The following ZMYND8 variants were observed in gnomAD, a reference collection of about 807,000 sequenced individuals.
ZMYND8 encodes MYND-type zinc finger-containing chromatin reader ZMYND8.
Under a neutral mutation model 140.8 loss-of-function variants are expected in ZMYND8, and 37 were observed. That is an observed-to-expected ratio of 0.26 (90% CI 0.20 to 0.35). The LOEUF is 0.35. ZMYND8 is among the 10% of genes least tolerant of loss of function. The pLI, the probability that ZMYND8 is intolerant of heterozygous loss-of-function variation, is 1.00. For missense variants in ZMYND8, 1,068 were observed against 1,570.0 expected, an observed-to-expected ratio of 0.68 and a Z score of 5.40; for synonymous variants, 592 against 597.1, an observed-to-expected ratio of 0.99 and a Z score of 0.12.
At chr20:47,215,050 G>A (rs1049338298) in intron 21 of ZMYND8, among the ~76,000 whole-genome samples, 4 of 152,140 alleles carry the variant, frequency 2.6e-5, no homozygotes, top group African/African-American at 7.2e-5. Flanking sequence ...GCAAGATCCT[G>A]TCTCTTAGGT....
intron 15 of ZMYND8, chr20:47,238,419 T>C (rs1442252025): frequency 5.1e-6 from 2 of 389,876 alleles, no homozygotes; most frequent in South Asian, 5.0e-5. Flanking sequence ...GAAAAGCTTT[T>C]ACAACGGTTG....
chr20:47,353,202 C>G (rs1390026501), intron 1 of ZMYND8: 2 of 152,158 alleles, frequency 1.3e-5, no homozygotes, highest in East Asian at 3.8e-4. Flanking sequence ...AAAGTGTCTC[C>G]CCCCTCATCC....
chr20:47,244,343 C>G (rs1037484130), intron 14 of ZMYND8, among the ~76,000 whole-genome samples: 4 of 152,240 alleles, frequency 2.6e-5, no homozygotes, highest in African/African-American at 7.2e-5. Context: ...GGCAATGTTT[C>G]TTCTGGGCCC....
At position 47,246,384 on chromosome 20, in the gene ZMYND8, G is replaced by A; in HGVS notation, c.1908C>T (p.Asp636=). ...DEQKSKNEPE[D]TEDKEGCQMD... is the part of the protein sequence containing the mutation. ...TCTGACAACCTTCTTTGTCCTCTGT[G>A]TCTTCTGGCTCGTTCTTAGACTTCT... Residue 636 remains aspartate (D), a synonymous_variant, in exon 14 of 23, where the codon GAC becomes GAT. Coordinates refer to ENST00000471951, the MANE Select transcript of ZMYND8 (RefSeq NM_001281775.3). 1 of 1,613,862 alleles carries A rather than the reference G, an allele frequency of 6.2e-7. No homozygotes were observed. Among genetic ancestry groups the A allele is most frequent in the Non-Finnish European group, 8.5e-7 (1 of 1,179,968 alleles).
At chr20:47,257,583 C>T (rs745695372) in intron 12 of ZMYND8, among the ~76,000 whole-genome samples, 3 of 151,700 alleles carry the variant, frequency 2.0e-5, no homozygotes, top group Non-Finnish European at 4.4e-5. Context: ...ATATACCATA[C>T]ACACATACAT....
chr20:47,282,288 G>A, intron 9 of ZMYND8, 71 bp from the exon 10 acceptor site: 2 of 1,370,544 alleles, frequency 1.5e-6, no homozygotes, highest in Non-Finnish European at 1.0e-6. Context: ...AGTTTGGTAT[G>A]TGAGGATGAA....
chr20:47,312,598 CA>C (rs1325976544), intron 2 of ZMYND8, among the ~76,000 whole-genome samples: 1 of 152,090 alleles, frequency 6.6e-6, no homozygotes. Flanking sequence ...TCAGCCTAGC[CA>C]ACATGGTGAA....
At chr20:47,328,525 A>G (rs936892907) in intron 2 of ZMYND8, among the ~76,000 whole-genome samples, 1 of 152,012 alleles carries the variant, frequency 6.6e-6, no homozygotes, top group South Asian at 2.1e-4. Context: ...GTGCAGTGGC[A>G]TGATCTCAGC....
intron 11 of ZMYND8, among the ~76,000 whole-genome samples, chr20:47,265,069 G>A (rs1025857553): frequency 3.9e-5 from 3 of 76,224 alleles, no homozygotes; most frequent in African/African-American, 1.3e-4. Context: ...TATATATATA[G>A]GCATTTTAAC....
intron 12 of ZMYND8, among the ~76,000 whole-genome samples, chr20:47,255,503 C>CCATATA (rs1035923853): frequency 1.3e-5 from 2 of 148,368 alleles, no homozygotes; most frequent in African/African-American, 5.0e-5. Flanking sequence ...TATATATCCA[C>CCATATA]CATATACATA....
intron 17 of ZMYND8, 86 bp downstream of exon 17, chr20:47,229,640 T>C: frequency 7.5e-7 from 1 of 1,325,812 alleles, no homozygotes. Context: ...CAGAGGGGTT[T>C]CCAGAGAAGC....
Position 47,238,951 on chromosome 20 carries a change from C to G in ZMYND8, c.2472G>C (p.Pro824=). Residue 824 remains proline, a synonymous_variant, in exon 15 of 23, where the codon CCG becomes CCC. Transcript: ENST00000471951. The stretch of plus-strand genomic sequence containing the variant: ...CCGGGGCAGTCTCCTTCGGTAAAAG[C>G]GGCCTCTGCTTTTTCACTGGGCTTC... ...ATGSPVKKQR[P]LLPKETAPAV... is the part of the protein sequence containing the mutation. 6.2e-7 allele frequency: 1 copy of G among 1,613,196 alleles called. No individual in the cohort carries two copies. Among genetic ancestry groups the G allele is most frequent in the Non-Finnish European group, 8.5e-7 (1 of 1,179,162 alleles).
chr20:47,238,661 GAACT>G (rs773800493), intron 15 of ZMYND8, 93 bp downstream of exon 15: 125 of 1,520,350 alleles, frequency 8.2e-5, no homozygotes, highest in Non-Finnish European at 1.0e-4. Context: ...AAACAAACGA[GAACT>G]AAAAAAAAAA....
intron 21 of ZMYND8, among the ~76,000 whole-genome samples, chr20:47,215,939 T>A (rs1339176871): frequency 6.6e-6 from 1 of 152,068 alleles, no homozygotes; most frequent in Admixed American, 6.5e-5. Flanking sequence ...TGGAGATAGA[T>A]GAGGATATTT....
chr20:47,229,669 T>A, intron 17 of ZMYND8, 57 bp downstream of exon 17: 1 of 1,559,032 alleles, frequency 6.4e-7, no homozygotes, highest in Non-Finnish European at 8.8e-7. Context: ...GGTACCACCT[T>A]TAAAGCAGCC....
intron 14 of ZMYND8, among the ~76,000 whole-genome samples, chr20:47,243,291 G>A (rs1014237550): frequency 5.9e-5 from 9 of 152,168 alleles, no homozygotes; most frequent in African/African-American, 2.2e-4. Flanking sequence ...AGTCTGACAC[G>A]AGAATTTTTC....
At chr20:47,337,527 A>G (rs768943404) in intron 2 of ZMYND8, among the ~76,000 whole-genome samples, 14 of 151,984 alleles carry the variant, frequency 9.2e-5, no homozygotes, top group Non-Finnish European at 2.1e-4. Context: ...TAAAGATAAA[A>G]CCTGACCCTA....
intron 2 of ZMYND8, among the ~76,000 whole-genome samples, chr20:47,315,255 A>G (rs2079285951): frequency 6.6e-6 from 1 of 152,160 alleles, no homozygotes; most frequent in South Asian, 2.1e-4. Flanking sequence ...TAGCCCAAGC[A>G]TGCCCACACC....
chr20:47,274,637 T>C (rs946729567), intron 11 of ZMYND8, among the ~76,000 whole-genome samples: 1 of 152,116 alleles, frequency 6.6e-6, no homozygotes, highest in Admixed American at 6.5e-5. Context: ...CAACACAAAT[T>C]ATGTCAATTC....
Sources: gnomAD v4.1 joint callset for allele counts (sites outside exome capture counted in the v4.1 genomes callset) on GRCh38, gnomAD v4.1.1 for gene constraint, MANE v1.5 for transcripts, NCBI Gene and HGNC (gene_info 2026-07-23, HGNC 2026-07-21) for gene names.